The following TSPAN18 variants were observed in gnomAD, a reference collection of about 807,000 sequenced individuals.
TSPAN18 encodes the protein tetraspanin-18.
TSPAN18 carries 14 observed loss-of-function variants against 27.3 expected under a neutral mutation model. The ratio of observed to expected loss-of-function variants is 0.51; its 90% CI spans 0.34 to 0.80. TSPAN18 has a LOEUF of 0.80. TSPAN18 is among the 30% of genes least tolerant of loss of function. The pLI is 0.01. For missense variants in TSPAN18, 268 were observed against 323.9 expected (o/e 0.83, Z 1.32); for synonymous variants, 143 against 136.5 (o/e 1.05, Z -0.33).
intron 5 of TSPAN18, among the ~76,000 whole-genome samples, chr11:44,913,338 A>AAT (rs1227074651): frequency 1.3e-5 from 2 of 152,196 alleles, no homozygotes; most frequent in African/African-American, 4.8e-5. Flanking sequence ...CAGACCACCT[A>AAT]ATGATCAATT....
intron 3 of TSPAN18, among the ~76,000 whole-genome samples, chr11:44,884,578 C>T (rs562795537): frequency 3.3e-5 from 5 of 152,302 alleles, no homozygotes; most frequent in South Asian, 2.1e-4. Flanking sequence ...TAAACCTCAC[C>T]GGCTCCCAGG....
chr11:44,916,241 G>A (rs560482104), intron 5 of TSPAN18, among the ~76,000 whole-genome samples: 1 of 152,362 alleles, frequency 6.6e-6, no homozygotes, highest in Admixed American at 6.5e-5. Context: ...CTAGAAGGCA[G>A]CCGCTGTGGA....
At chr11:44,926,585 C>T in intron 8 of TSPAN18, 89 bp from the exon 9 acceptor site, 1 of 1,204,190 alleles carries the variant, frequency 8.3e-7, no homozygotes. Flanking sequence ...TCTGGGGACA[C>T]CTGCCATGAA....
At chr11:44,738,970 A>G (rs377117052) in intron 1 of TSPAN18, among the ~76,000 whole-genome samples, 2 of 152,218 alleles carry the variant, frequency 1.3e-5, no homozygotes, top group South Asian at 2.1e-4. Flanking sequence ...CTCCACCGCC[A>G]GATGGTCTGT....
chr11:44,739,563 G>A (rs999153113), intron 1 of TSPAN18, among the ~76,000 whole-genome samples: 5 of 152,254 alleles, frequency 3.3e-5, no homozygotes, highest in Non-Finnish European at 1.5e-5. Context: ...GGCAGAGGTT[G>A]TAGTGAGCTG....
chr11:44,788,928 G>A (rs1443691167), intron 2 of TSPAN18, among the ~76,000 whole-genome samples: 3 of 152,196 alleles, frequency 2.0e-5, no homozygotes, highest in African/African-American at 7.2e-5. Flanking sequence ...AAGAATCCAC[G>A]CATGCAGCTG....
chr11:44,910,612 A>T (rs1395785426), intron 5 of TSPAN18, among the ~76,000 whole-genome samples: 2 of 152,270 alleles, frequency 1.3e-5, no homozygotes, highest in Non-Finnish European at 2.9e-5. Flanking sequence ...CATCGCTAAG[A>T]TGCCTAGTGG....
At chr11:44,753,471 A>T (rs1259940978) in intron 1 of TSPAN18, among the ~76,000 whole-genome samples, 1 of 152,170 alleles carries the variant, frequency 6.6e-6, no homozygotes, top group Non-Finnish European at 1.5e-5. Context: ...ATCTGCTCAT[A>T]AACCCAGCTT....
chr11:44,888,429 A>T (rs1185989504), intron 3 of TSPAN18, among the ~76,000 whole-genome samples: 1 of 152,150 alleles, frequency 6.6e-6, no homozygotes, highest in Non-Finnish European at 1.5e-5. Flanking sequence ...ACATTATTAT[A>T]ATGACTGAAT....
intron 3 of TSPAN18, among the ~76,000 whole-genome samples, chr11:44,878,545 TTAAACTGAGTGG>T (rs1858403679): frequency 6.6e-6 from 1 of 152,150 alleles, no homozygotes. Flanking sequence ...ATGGTGCTTT[TTAAACTGAGTGG>T]TGGGTACCCA....
intron 3 of TSPAN18, among the ~76,000 whole-genome samples, chr11:44,879,009 G>A (rs955919114): frequency 2.6e-5 from 4 of 152,166 alleles, no homozygotes; most frequent in Non-Finnish European, 4.4e-5. Context: ...CGCGACCTGC[G>A]TAATCCCACA....
intron 2 of TSPAN18, among the ~76,000 whole-genome samples, chr11:44,809,575 A>G (rs117578894): frequency 0.011 from 1,680 of 152,302 alleles, 18 homozygotes; most frequent in Middle Eastern, 0.02. Context: ...TTGATGCTGA[A>G]CATTAGTACA....
intron 3 of TSPAN18, among the ~76,000 whole-genome samples, chr11:44,876,600 T>C (rs1046518180): frequency 6.6e-6 from 1 of 152,182 alleles, no homozygotes; most frequent in Non-Finnish European, 1.5e-5. Flanking sequence ...CAGGCCCAGG[T>C]TGTAGCACCA....
intron 2 of TSPAN18, among the ~76,000 whole-genome samples, chr11:44,805,965 G>A (rs1467882461): frequency 2.0e-5 from 3 of 151,718 alleles, no homozygotes; most frequent in Admixed American, 6.6e-5. Context: ...AATGACCTCC[G>A]CAGAGATTCT....
chr11:44,926,595 A>AC, intron 8 of TSPAN18, 79 bp from the exon 9 acceptor site: 1 of 1,302,466 alleles, frequency 7.7e-7, no homozygotes. Context: ...CCTGCCATGA[A>AC]CCCTAGTCCA....
Position 44,908,811 on chromosome 11 carries a change from G to GAAAGAA in TSPAN18, c.64-892_64-887dup, listed in dbSNP as rs1554938132. Among the ~76,000 whole-genome samples, 3 of 115,052 alleles carry GAAAGAA rather than the reference G, an allele frequency of 2.6e-5. No homozygotes were observed. The East Asian group carries it at 6.4e-4, about 25-fold the overall frequency. 75.5% of individuals were successfully genotyped at this position (115,052 alleles called of 152,430 possible). ...AGAAAGAAAGAAAGAAAGAAAGAAA[G>GAAAGAA]AAAGAAAGAAAGAAAGAAAAAGAAA... On this transcript the variant is annotated intron_variant, in intron 4 of 9. Coordinates refer to ENST00000520358, the MANE Select transcript of TSPAN18 (RefSeq NM_130783.5).
At chr11:44,752,870 T>G (rs563330935) in intron 1 of TSPAN18, among the ~76,000 whole-genome samples, 1 of 152,158 alleles carries the variant, frequency 6.6e-6, no homozygotes, top group Non-Finnish European at 1.5e-5. Context: ...GTTTATCTGT[T>G]TTACTAGCCA....
Position 44,755,392 on chromosome 11 carries a change from A to G in TSPAN18, c.-239-9034A>G, listed in dbSNP as rs557652769. On this transcript the variant is annotated intron_variant, in intron 1 of 9. Coordinates refer to ENST00000520358, the MANE Select transcript of TSPAN18 (RefSeq NM_130783.5). The stretch of plus-strand genomic sequence containing the variant: ...GCTGATTGGGACTCATTCTGGGAAC[A>G]AAGGGTGCTGGGCCCAGTGACAGGA... Among the ~76,000 whole-genome samples, 19 of 152,158 alleles carry G rather than the reference A, an allele frequency of 1.2e-4. No individual in the cohort carries two copies. In the East Asian group the frequency reaches 3.7e-3, roughly 29 times the overall value.
chr11:44,745,843 C>T (rs899049905), intron 1 of TSPAN18, among the ~76,000 whole-genome samples: 5 of 152,070 alleles, frequency 3.3e-5, no homozygotes, highest in Admixed American at 6.5e-5. Flanking sequence ...CTGGCTAACA[C>T]GGTGAAACCC....
Sources: allele counts gnomAD v4.1 joint callset (sites outside exome capture counted in the v4.1 genomes callset), GRCh38; gene constraint gnomAD v4.1.1; transcripts MANE v1.5; gene names NCBI Gene and HGNC (gene_info 2026-07-23, HGNC 2026-07-21).